The following GALNT13 variants were observed in gnomAD, a reference collection of about 807,000 sequenced individuals.
GALNT13 encodes the protein UDP-GalNAc:polypeptide N-acetylgalactosaminyltransferase 13.
GALNT13 carries 28 observed loss-of-function variants against 64.2 expected under a neutral mutation model. The observed-to-expected ratio is 0.44, with a 90% CI of 0.32 to 0.60. GALNT13 has a LOEUF of 0.60. GALNT13 is among the 20% of genes least tolerant of loss of function. GALNT13 has a pLI of 0.05. For missense variants in GALNT13, 577 were observed against 669.8 expected (o/e 0.86, Z 1.53); for synonymous variants, 214 against 224.6 (o/e 0.95, Z 0.42).
chr2:153,568,996 C>T, the GALNT13 span, among the ~76,000 whole-genome samples: 1 of 151,968 alleles, frequency 6.6e-6, no homozygotes, highest in Non-Finnish European at 1.5e-5. Context: ...GTATATATTC[C>T]ACAGTGCATT....
chr2:153,459,363 T>C, the GALNT13 span, among the ~76,000 whole-genome samples: 1 of 151,978 alleles, frequency 6.6e-6, no homozygotes, highest in Non-Finnish European at 1.5e-5. Context: ...GTGTCTGTAG[T>C]CCCAGCTACT....
chr2:153,240,433 G>C, the GALNT13 span, among the ~76,000 whole-genome samples: 12 of 152,168 alleles, frequency 7.9e-5, no homozygotes, highest in Middle Eastern at 3.4e-3. Context: ...GCTCATCCAG[G>C]ATTGCTCTTG....
the GALNT13 span, among the ~76,000 whole-genome samples, chr2:153,655,740 C>A: frequency 6.6e-6 from 1 of 152,074 alleles, no homozygotes; most frequent in East Asian, 1.9e-4. Flanking sequence ...GATATACCTT[C>A]TATAGCTTAA....
intron 2 of GALNT13, among the ~76,000 whole-genome samples, chr2:153,940,476 C>T (rs952758931): frequency 3.3e-5 from 5 of 151,912 alleles, no homozygotes; most frequent in Admixed American, 6.6e-5. Context: ...AGGCTGGTTT[C>T]GAACTCCTTA....
chr2:153,675,154 T>C, the GALNT13 span, among the ~76,000 whole-genome samples: 1 of 152,196 alleles, frequency 6.6e-6, no homozygotes, highest in African/African-American at 2.4e-5. Context: ...CTCAAGTATC[T>C]AGAACTAGAA....
the GALNT13 span, among the ~76,000 whole-genome samples, chr2:153,206,094 T>C: frequency 6.6e-6 from 1 of 152,210 alleles, no homozygotes; most frequent in South Asian, 2.1e-4. Flanking sequence ...TTCTCTTTTA[T>C]ACATACTAGC....
intron 10 of GALNT13, among the ~76,000 whole-genome samples, chr2:154,407,147 C>T (rs1699583574): frequency 6.6e-6 from 1 of 152,074 alleles, no homozygotes; most frequent in Admixed American, 6.6e-5. Context: ...CAAGCTGTAA[C>T]CCCTGTAATT....
the GALNT13 span, among the ~76,000 whole-genome samples, chr2:153,261,379 G>T: frequency 6.6e-6 from 1 of 152,124 alleles, no homozygotes; most frequent in African/African-American, 2.4e-5. Flanking sequence ...AGGGACTTGG[G>T]TATTGAGATC....
At chr2:153,273,239 G>T in the GALNT13 span, among the ~76,000 whole-genome samples, 4 of 152,098 alleles carry the variant, frequency 2.6e-5, no homozygotes, top group African/African-American at 4.8e-5. Flanking sequence ...TAACAAACCT[G>T]CACGTTCTGC....
At chr2:154,214,058 T>G (rs1424646236) in intron 4 of GALNT13, among the ~76,000 whole-genome samples, 2 of 152,292 alleles carry the variant, frequency 1.3e-5, no homozygotes, top group South Asian at 2.1e-4. Context: ...ATTATAAAAC[T>G]CACCAATGAT....
the GALNT13 span, among the ~76,000 whole-genome samples, chr2:153,682,066 G>A: frequency 0.052 from 7,888 of 151,678 alleles, 261 homozygotes; most frequent in Middle Eastern, 0.1. Context: ...CAATGTCGTG[G>A]CATATACTGT....
the GALNT13 span, among the ~76,000 whole-genome samples, chr2:153,548,507 C>T: frequency 6.6e-6 from 1 of 152,126 alleles, no homozygotes; most frequent in Non-Finnish European, 1.5e-5. Context: ...GACACCCGAA[C>T]AGGAGCCACT....
At chr2:153,618,495 G>T in the GALNT13 span, among the ~76,000 whole-genome samples, 1 of 151,676 alleles carries the variant, frequency 6.6e-6, no homozygotes. Flanking sequence ...TGTGTATTCT[G>T]CAGCTCTTGG....
intron 1 of GALNT13, among the ~76,000 whole-genome samples, chr2:153,880,473 A>G (rs1487564941): frequency 1.3e-5 from 2 of 152,156 alleles, no homozygotes; most frequent in Non-Finnish European, 1.5e-5. Context: ...TGTGGTTTAA[A>G]AAAGAGTTAA....
At chr2:153,620,777 C>A in the GALNT13 span, among the ~76,000 whole-genome samples, 1 of 151,772 alleles carries the variant, frequency 6.6e-6, no homozygotes, top group African/African-American at 2.4e-5. Flanking sequence ...TTATTTAGTT[C>A]ATTTGATGAG....
chr2:153,586,641 C>T, the GALNT13 span, among the ~76,000 whole-genome samples: 6 of 152,212 alleles, frequency 3.9e-5, no homozygotes, highest in African/African-American at 1.4e-4. Context: ...AGAAAATTAA[C>T]CAAGAAGCAT....
the GALNT13 span, among the ~76,000 whole-genome samples, chr2:153,693,691 GGTTACATTCTT>G: frequency 2.6e-5 from 4 of 152,000 alleles, no homozygotes; most frequent in Non-Finnish European, 5.9e-5. Flanking sequence ...TGAGCCAAGT[GGTTACATTCTT>G]GTGAGGCTTT....
At chr2:153,612,632 C>CAAA in the GALNT13 span, among the ~76,000 whole-genome samples, 3,244 of 151,068 alleles carry the variant, frequency 0.021, 50 homozygotes, top group Middle Eastern at 0.058. Flanking sequence ...AATAAGAAAA[C>CAAA]AAAGAAAAAA....
At chr2:154,038,600 A>G (rs933344908) in intron 3 of GALNT13, among the ~76,000 whole-genome samples, 1 of 152,190 alleles carries the variant, frequency 6.6e-6, no homozygotes, top group Admixed American at 6.6e-5. Context: ...CTTGTCAAAT[A>G]CAAATATCAA....
Sources: gnomAD v4.1 joint callset for allele counts (sites outside exome capture counted in the v4.1 genomes callset) on GRCh38, gnomAD v4.1.1 for gene constraint, MANE v1.5 for transcripts, NCBI Gene and HGNC (gene_info 2026-07-23, HGNC 2026-07-21) for gene names.